Variants in ENOX1 observed in about 807,000 individuals in gnomAD.
ENOX1 encodes candidate growth-related and time keeping constitutive hydroquinone (NADH) oxidase.
A neutral mutation model predicts 82.5 loss-of-function variants in ENOX1; 42 were observed. The observed-to-expected ratio is 0.51, with a 90% CI of 0.40 to 0.66. The LOEUF (loss-of-function observed/expected upper bound fraction) is 0.66. Among genes scored for constraint, ENOX1 ranks in the 30% least tolerant of loss-of-function variants. ENOX1 has a pLI of 0.00. For missense variants in ENOX1, 608 were observed against 811.6 expected, an observed-to-expected ratio of 0.75 and a Z score of 3.05; for synonymous variants, 271 against 282.2, an observed-to-expected ratio of 0.96 and a Z score of 0.40.
At chr13:43,761,206 A>G (rs1950952970) in intron 1 of ENOX1, among the ~76,000 whole-genome samples, 1 of 152,192 alleles carries the variant, frequency 6.6e-6, no homozygotes, top group Non-Finnish European at 1.5e-5. Flanking sequence ...CCCCTCAGGT[A>G]TAGAAAAATT....
intron 2 of ENOX1, chr13:43,609,876 GACTT>G (rs1247106238): frequency 7.2e-6 from 7 of 967,080 alleles, no homozygotes; most frequent in Non-Finnish European, 8.6e-6. Context: ...TACTACTAGG[GACTT>G]ACTTCATTCA....
intron 2 of ENOX1, chr13:43,545,628 A>G (rs1409079111): frequency 6.6e-6 from 1 of 152,282 alleles, no homozygotes. Context: ...GGAACACACA[A>G]TTCATTAAAG....
intron 2 of ENOX1, among the ~76,000 whole-genome samples, chr13:43,560,258 T>C (rs1409104965): frequency 1.3e-5 from 2 of 152,222 alleles, no homozygotes; most frequent in African/African-American, 2.4e-5. Flanking sequence ...CCTATTGGTA[T>C]GCTTTTAGGT....
At chr13:43,349,045 C>T (rs1381545685) in intron 8 of ENOX1, among the ~76,000 whole-genome samples, 2 of 152,188 alleles carry the variant, frequency 1.3e-5, no homozygotes, top group African/African-American at 4.8e-5. Context: ...GGGGAGACTA[C>T]TGTATTCCTA....
chr13:43,281,899 T>G (rs1283607007), intron 12 of ENOX1, among the ~76,000 whole-genome samples: 2 of 152,162 alleles, frequency 1.3e-5, no homozygotes, highest in African/African-American at 4.8e-5. Flanking sequence ...TAAATCATGA[T>G]ACAAAGCAAG....
At chr13:43,739,770 C>G (rs1031251768) in intron 1 of ENOX1, among the ~76,000 whole-genome samples, 5 of 151,516 alleles carry the variant, frequency 3.3e-5, no homozygotes, top group Non-Finnish European at 5.9e-5. Flanking sequence ...TACGGTTAAC[C>G]CTTAACAGCA....
intron 2 of ENOX1, among the ~76,000 whole-genome samples, chr13:43,495,772 T>C (rs1418484735): frequency 1.4e-5 from 2 of 148,014 alleles, no homozygotes; most frequent in Non-Finnish European, 3.0e-5. Flanking sequence ...AAAAATCCTG[T>C]AATATGTTAT....
At chr13:43,264,183 T>A (rs1025917061) in intron 14 of ENOX1, among the ~76,000 whole-genome samples, 1 of 152,236 alleles carries the variant, frequency 6.6e-6, no homozygotes, top group South Asian at 2.1e-4. Context: ...GCCATTCTTT[T>A]TACAAGTGAG....
At chr13:43,552,346 T>TAAA (rs11398493) in intron 2 of ENOX1, among the ~76,000 whole-genome samples, 1 of 117,614 alleles carries the variant, frequency 8.5e-6, no homozygotes, top group African/African-American at 3.2e-5. Context: ...GGCTCTTAAC[T>TAAA]AAAAAAAAAA....
At chr13:43,333,906 A>G (rs1315885743) in intron 9 of ENOX1, among the ~76,000 whole-genome samples, 6 of 152,264 alleles carry the variant, frequency 3.9e-5, no homozygotes, top group Admixed American at 6.5e-5. Context: ...TACAGGCATG[A>G]GCCACCGTGC....
intron 9 of ENOX1, among the ~76,000 whole-genome samples, chr13:43,328,627 T>C (rs920652732): frequency 6.6e-6 from 1 of 152,112 alleles, no homozygotes. Flanking sequence ...GGAAGACTAG[T>C]AATGCACCTG....
At chr13:43,325,903 C>G (rs1396225286) in intron 10 of ENOX1, among the ~76,000 whole-genome samples, 7 of 152,206 alleles carry the variant, frequency 4.6e-5, no homozygotes, top group Admixed American at 2.6e-4. Flanking sequence ...TGGGTGGACC[C>G]AGTTGGCCTA....
At chr13:43,652,183 AC>A in intron 2 of ENOX1, among the ~76,000 whole-genome samples, 1 of 151,858 alleles carries the variant, frequency 6.6e-6, no homozygotes, top group East Asian at 1.9e-4. Context: ...TTTGGAGGGA[AC>A]AGGAGTCAGG....
intron 9 of ENOX1, among the ~76,000 whole-genome samples, chr13:43,334,977 G>C (rs945562607): frequency 2.6e-5 from 4 of 152,158 alleles, no homozygotes; most frequent in African/African-American, 9.7e-5. Flanking sequence ...TCAAGTCTTA[G>C]CTCCATCGCT....
At chr13:43,443,688 G>A (rs368625022) in intron 3 of ENOX1, among the ~76,000 whole-genome samples, 14 of 152,106 alleles carry the variant, frequency 9.2e-5, no homozygotes, top group East Asian at 7.7e-4. Flanking sequence ...GGCAGCACAC[G>A]GAGTAAAGAG....
chr13:43,705,543 AC>A (rs916700377), intron 1 of ENOX1, among the ~76,000 whole-genome samples: 5 of 152,088 alleles, frequency 3.3e-5, no homozygotes, highest in Admixed American at 1.3e-4. Flanking sequence ...TAAATATCAA[AC>A]AAAGTAGACT....
chr13:43,316,643 A>AAT (rs2047507392), intron 11 of ENOX1, among the ~76,000 whole-genome samples: 1 of 151,440 alleles, frequency 6.6e-6, no homozygotes. Flanking sequence ...AAAAAAAAAA[A>AAT]TTCTACACTT....
At chr13:43,484,331 G>A (rs924208070) in intron 2 of ENOX1, among the ~76,000 whole-genome samples, 179 bp from the exon 3 acceptor site, 1 of 152,048 alleles carries the variant, frequency 6.6e-6, no homozygotes, top group African/African-American at 2.4e-5. Context: ...TTTCAATATC[G>A]TATTTAGAAA....
At chr13:43,267,458 T>C (rs1242147909) in intron 13 of ENOX1, among the ~76,000 whole-genome samples, 1 of 152,174 alleles carries the variant, frequency 6.6e-6, no homozygotes, top group Non-Finnish European at 1.5e-5. Context: ...ACCTATCCTT[T>C]CTTGTCAGGA....
Sources: allele counts gnomAD v4.1 joint callset (sites outside exome capture counted in the v4.1 genomes callset), GRCh38; gene constraint gnomAD v4.1.1; transcripts MANE v1.5; gene names NCBI Gene and HGNC (gene_info 2026-07-23, HGNC 2026-07-21).